CNST: variants seen among roughly 807,000 people sequenced by gnomAD.
The protein encoded by CNST is consortin, connexin sorting protein, also known as consortin.
In CNST, 39 loss-of-function variants were observed where a neutral mutation model predicts 72.4. That is an observed-to-expected ratio of 0.54 (90% CI 0.42 to 0.70). The LOEUF (loss-of-function observed/expected upper bound fraction) is 0.70, where lower values mean the gene tolerates loss of function less well. Ranked by LOEUF, CNST falls within the 30% of genes least tolerant of loss-of-function variation. The pLI is 0.00. For synonymous variants in CNST, 332 were observed against 320.1 expected, an observed-to-expected ratio of 1.04 and a Z score of -0.40; for missense variants, 871 against 868.5, an observed-to-expected ratio of 1.00 and a Z score of -0.04.
intron 1 of CNST, among the ~76,000 whole-genome samples, chr1:246,588,343 C>T (rs931715743): frequency 1.3e-5 from 2 of 152,004 alleles, no homozygotes; most frequent in Non-Finnish European, 2.9e-5. Context: ...TAGTGATTTA[C>T]ATTGTGAATA....
At chr1:246,605,982 G>C (rs1431793951) in intron 2 of CNST, 1 of 152,106 alleles carries the variant, frequency 6.6e-6, no homozygotes, top group Non-Finnish European at 1.5e-5. Context: ...CGGCCCCGGG[G>C]AGAATCTTTC....
At chr1:246,604,140 G>A (rs1662509853) in intron 2 of CNST, among the ~76,000 whole-genome samples, 2 of 152,166 alleles carry the variant, frequency 1.3e-5, no homozygotes, top group African/African-American at 2.4e-5. Context: ...ACCCTGCCCG[G>A]CTACTGGAGA....
intron 8 of CNST, among the ~76,000 whole-genome samples, chr1:246,644,892 C>A (rs1474447621): frequency 2.0e-5 from 3 of 152,180 alleles, no homozygotes; most frequent in African/African-American, 7.2e-5. Flanking sequence ...CTAACCTTGC[C>A]CCATTTTAAC....
chr1:246,569,812 C>T (rs1336626063), intron 1 of CNST: 2 of 242,288 alleles, frequency 8.3e-6, no homozygotes, highest in East Asian at 3.6e-4. Flanking sequence ...TCAGTCATTT[C>T]CTGGCGTGTC....
At chr1:246,640,351 A>G (rs1440561425) in intron 6 of CNST, among the ~76,000 whole-genome samples, 4 of 152,232 alleles carry the variant, frequency 2.6e-5, no homozygotes, top group Non-Finnish European at 5.9e-5. Flanking sequence ...CTGATGCTAG[A>G]AAGCAAATAG....
intron 2 of CNST, among the ~76,000 whole-genome samples, chr1:246,604,248 C>T (rs1489494682): frequency 2.0e-5 from 3 of 149,714 alleles, no homozygotes; most frequent in African/African-American, 7.4e-5. Context: ...CGCAAGACTC[C>T]ATCTCAAAAA....
intron 2 of CNST, among the ~76,000 whole-genome samples, chr1:246,611,584 A>T (rs1663320167): frequency 6.6e-6 from 1 of 152,226 alleles, no homozygotes; most frequent in African/African-American, 2.4e-5. Flanking sequence ...TTGGGAAGTA[A>T]TATTATCTCT....
intron 8 of CNST, among the ~76,000 whole-genome samples, chr1:246,644,926 C>A (rs1311216955): frequency 6.6e-6 from 1 of 152,154 alleles, no homozygotes; most frequent in Non-Finnish European, 1.5e-5. Context: ...GACAGCAAGC[C>A]CAGTGTCAAA....
At chr1:246,652,424 A>G (rs1366340418) in intron 9 of CNST, among the ~76,000 whole-genome samples, 3 of 152,190 alleles carry the variant, frequency 2.0e-5, no homozygotes, top group Non-Finnish European at 4.4e-5. Flanking sequence ...TGAATGTTGG[A>G]TACATTTTAC....
intron 2 of CNST, among the ~76,000 whole-genome samples, chr1:246,613,929 G>C (rs1212703138): frequency 6.6e-6 from 1 of 151,358 alleles, no homozygotes; most frequent in Non-Finnish European, 1.5e-5. Flanking sequence ...CCTGACCTCA[G>C]GTGATCCACC....
chr1:246,632,314 A>G (rs866236398), intron 4 of CNST: 12 of 299,674 alleles, frequency 4.0e-5, no homozygotes, highest in African/African-American at 1.3e-4. Flanking sequence ...CGTGCGCCAC[A>G]GACTTGGGAC....
chr1:246,586,839 C>T (rs1386310797), intron 1 of CNST, among the ~76,000 whole-genome samples: 2 of 151,968 alleles, frequency 1.3e-5, no homozygotes. Flanking sequence ...ATTTTGTGGC[C>T]TCCTTAAAGT....
At chr1:246,642,178 C>T in intron 8 of CNST, 141 bp downstream of exon 8, 1 of 469,640 alleles carries the variant, frequency 2.1e-6, no homozygotes. Flanking sequence ...TGTACATATA[C>T]CTCTCCTAGA....
At chr1:246,622,059 C>T (rs1664126885) in intron 3 of CNST, among the ~76,000 whole-genome samples, 1 of 152,152 alleles carries the variant, frequency 6.6e-6, no homozygotes, top group Non-Finnish European at 1.5e-5. Flanking sequence ...TTGACTGTGT[C>T]CCACTCATCA....
Position 246,665,813 on chromosome 1 carries a change from G to C in CNST, c.2086G>C (p.Val696Leu), listed in dbSNP as rs377560988. ...CACTTTCGGTGACATGGAGTCACCT[G>C]TTTGTACTGACTTTGCAGACAACAT... is the stretch of plus-strand genomic sequence containing the variant. ...YCTFGDMESP[V>L]CTDFADNMDF... Residue 696 changes from valine (V) to leucine (L), a missense_variant, in exon 11 of 11, where the codon GTT becomes CTT. Val to Leu is a conservative substitution (Grantham distance 32, BLOSUM62 1). Transcript: ENST00000366513. 2.5e-6 allele frequency: 4 copies of C among 1,613,700 alleles called. No homozygotes were observed. In the African/African-American group the frequency reaches 5.3e-5, roughly 22 times the overall value.
intron 8 of CNST, among the ~76,000 whole-genome samples, chr1:246,643,320 C>T (rs942513548): frequency 2.0e-5 from 3 of 152,256 alleles, no homozygotes; most frequent in East Asian, 1.9e-4. Context: ...CCGTCTTTTC[C>T]AGTCATTTTT....
chr1:246,645,875 A>G (rs1666033654), intron 8 of CNST, among the ~76,000 whole-genome samples: 1 of 152,208 alleles, frequency 6.6e-6, no homozygotes, highest in Non-Finnish European at 1.5e-5. Flanking sequence ...AAAGTGAAGG[A>G]AAAATAAGTT....
intron 2 of CNST, among the ~76,000 whole-genome samples, chr1:246,595,812 C>T (rs1246852653): frequency 1.3e-5 from 2 of 152,028 alleles, no homozygotes; most frequent in African/African-American, 4.8e-5. Flanking sequence ...ACTCTATGCT[C>T]CCTTGTCTAG....
chr1:246,595,785 ATAAAG>A (rs1356343861), intron 2 of CNST, among the ~76,000 whole-genome samples: 1 of 152,212 alleles, frequency 6.6e-6, no homozygotes, highest in East Asian at 1.9e-4. Flanking sequence ...AACATGTAAA[ATAAAG>A]TAAATTTATT....
Sources: gnomAD v4.1 joint callset for allele counts (sites outside exome capture counted in the v4.1 genomes callset) on GRCh38, gnomAD v4.1.1 for gene constraint, MANE v1.5 for transcripts, NCBI Gene and HGNC (gene_info 2026-07-23, HGNC 2026-07-21) for gene names.